Variants in TMEM40 observed in about 807,000 individuals in gnomAD.
TMEM40 encodes transmembrane protein 40.
TMEM40 carries 34 observed loss-of-function variants against 40.8 expected under a neutral mutation model. The ratio of observed to expected loss-of-function variants is 0.83; its 90% CI spans 0.63 to 1.11. The LOEUF is 1.11. Ranked by LOEUF, TMEM40 falls within the 50% of genes least tolerant of loss-of-function variation. The pLI, the probability that TMEM40 is intolerant of heterozygous loss-of-function variation, is 0.00. For missense variants in TMEM40, 296 were observed against 280.2 expected, an observed-to-expected ratio of 1.06 and a Z score of -0.40; for synonymous variants, 106 against 107.0, an observed-to-expected ratio of 0.99 and a Z score of 0.06.
rs532653339 is a variant in TMEM40 at position 12,742,595 on chromosome 3, G to A, written c.302-88C>T. The A allele has an allele frequency of 2.0e-6, 3 of 1,484,012 alleles. No homozygotes were observed. The East Asian group carries it at 6.9e-5, about 34-fold the overall frequency. 91.9% of individuals were successfully genotyped at this position (1,484,012 alleles called of 1,614,324 possible). A position where few individuals can be genotyped will look rare whatever the true frequency, so the allele number is the denominator to read the frequency against. ...CTCCCATGGCTTCGACGCTTAAGAA[G>A]TACCACAGTCCTTGTGCTGGAGGTG... On this transcript the variant is annotated intron_variant, in intron 4 of 11. Coordinates refer to ENST00000314124, the MANE Select transcript of TMEM40 (RefSeq NM_018306.4).
At chr3:12,748,512 T>C (rs530281127) in intron 3 of TMEM40, 143 bp downstream of exon 3, 4 of 1,208,442 alleles carry the variant, frequency 3.3e-6, no homozygotes, top group Middle Eastern at 3.0e-4. Context: ...TAGAAGCACA[T>C]GTAGACAGAT....
Position 12,733,893 on chromosome 3 carries a change from ATT to A in TMEM40, c.*879_*880del, listed in dbSNP as rs1160580651. The A allele has an allele frequency of 7.1e-6, 1 of 140,640 alleles. No individual in the cohort carries two copies. The highest frequency in any genetic ancestry group is 1.6e-5 in the Non-Finnish European group (1 of 63,688). 8.7% of individuals were successfully genotyped at this position (140,640 alleles called of 1,614,324 possible). A position where few individuals can be genotyped will look rare whatever the true frequency, so the allele number is the denominator to read the frequency against. ...TACACTACAAATACATGCAATTTTT[ATT>A]TGTCTTTTTTTTTTTTTTTTAATTT... On this transcript the variant is annotated 3_prime_UTR_variant, in exon 12 of 12. Coordinates refer to ENST00000314124, the MANE Select transcript of TMEM40 (RefSeq NM_018306.4).
chr3:12,750,806 A>G (rs959856994), intron 1 of TMEM40, among the ~76,000 whole-genome samples: 1 of 152,192 alleles, frequency 6.6e-6, no homozygotes, highest in African/African-American at 2.4e-5. Context: ...GGGACAGGGT[A>G]ACACATTGTG....
intron 5 of TMEM40, 24 bp downstream of exon 5, chr3:12,742,430 C>T (rs753530893): frequency 1.2e-6 from 2 of 1,611,452 alleles, no homozygotes; most frequent in East Asian, 2.2e-5. Context: ...TTGTTTTCTC[C>T]AAAGCTACTG....
At chr3:12,753,007 A>G (rs1339603752) in intron 1 of TMEM40, among the ~76,000 whole-genome samples, 1 of 152,046 alleles carries the variant, frequency 6.6e-6, no homozygotes, top group Non-Finnish European at 1.5e-5. Flanking sequence ...GACTTGGCTT[A>G]TATTTAGCTA....
intron 6 of TMEM40, 141 bp downstream of exon 6, chr3:12,738,412 G>A (rs568390771): frequency 1.9e-6 from 2 of 1,080,866 alleles, no homozygotes; most frequent in African/African-American, 1.5e-5. Context: ...TGCTTGATGA[G>A]CCTAGGCTAA....
chr3:12,737,604 G>T, intron 8 of TMEM40, 103 bp downstream of exon 8: 1 of 1,040,960 alleles, frequency 9.6e-7, no homozygotes. Flanking sequence ...GCACACGACA[G>T]AGGTGGGCTA....
upstream of TMEM40, among the ~76,000 whole-genome samples, chr3:12,762,808 G>A (rs1575748534): frequency 6.6e-6 from 1 of 152,166 alleles, no homozygotes; most frequent in Admixed American, 6.5e-5. Context: ...CTCCAGGAGT[G>A]GGACCTAGAA....
At chr3:12,752,200 T>C (rs1457319535) in intron 1 of TMEM40, among the ~76,000 whole-genome samples, 2 of 152,176 alleles carry the variant, frequency 1.3e-5, no homozygotes, top group Non-Finnish European at 2.9e-5. Flanking sequence ...GTGATCCTCC[T>C]GCCTCAACCT....
At chr3:12,754,156 CA>C (rs536471525) in intron 1 of TMEM40, among the ~76,000 whole-genome samples, 2 of 152,132 alleles carry the variant, frequency 1.3e-5, no homozygotes, top group East Asian at 3.9e-4. Flanking sequence ...ACTAAAAATA[CA>C]AAAAATTAGC....
intron 3 of TMEM40, 114 bp downstream of exon 3, chr3:12,748,541 T>G: frequency 7.1e-7 from 1 of 1,406,332 alleles, no homozygotes; most frequent in Non-Finnish European, 9.6e-7. Context: ...GAAGAGAATG[T>G]GGAGAAACGG....
chr3:12,761,605 CAAAAAA>C (rs34133777), upstream of TMEM40, among the ~76,000 whole-genome samples: 2 of 145,792 alleles, frequency 1.4e-5, no homozygotes, highest in Non-Finnish European at 1.5e-5. Context: ...GATCTCATCT[CAAAAAA>C]AAAAGAAAAA....
chr3:12,764,881 T>C (rs1473028256), intron 1 of TMEM40, among the ~76,000 whole-genome samples: 1 of 150,920 alleles, frequency 6.6e-6, no homozygotes, highest in Non-Finnish European at 1.5e-5. Context: ...TTGTTTTTTG[T>C]TTTTTTTTGA....
At chr3:12,762,497 C>T (rs373927139), upstream of TMEM40, among the ~76,000 whole-genome samples, 2 of 152,284 alleles carry the variant, frequency 1.3e-5, no homozygotes, top group African/African-American at 2.4e-5. Context: ...AATGAGACCA[C>T]TGTGGTCCAG....
intron 6 of TMEM40, 52 bp from the exon 7 acceptor site, chr3:12,738,220 C>T (rs2061352557): frequency 6.2e-7 from 1 of 1,605,950 alleles, no homozygotes; most frequent in African/African-American, 1.3e-5. Flanking sequence ...GGGTCCTTAA[C>T]AGGTGCCTCC....
At chr3:12,768,747 CG>C (rs933135795) in intron 1 of TMEM40, among the ~76,000 whole-genome samples, 4 of 152,100 alleles carry the variant, frequency 2.6e-5, no homozygotes, top group East Asian at 1.9e-4. Flanking sequence ...GATCCCGCAC[CG>C]GGGGCCGCAG....
At chr3:12,757,271 A>C (rs1371917100) in intron 1 of TMEM40, among the ~76,000 whole-genome samples, 1 of 151,954 alleles carries the variant, frequency 6.6e-6, no homozygotes, top group Non-Finnish European at 1.5e-5. Flanking sequence ...GGAGTTCGAG[A>C]CCAGGCTGGC....
intron 1 of TMEM40, among the ~76,000 whole-genome samples, chr3:12,756,080 T>A (rs1259639105): frequency 6.6e-6 from 1 of 152,210 alleles, no homozygotes; most frequent in African/African-American, 2.4e-5. Flanking sequence ...ATGAAACAAC[T>A]GTTTCCTGTG....
intron 10 of TMEM40, among the ~76,000 whole-genome samples, chr3:12,736,150 T>A (rs2061335658): frequency 3.6e-5 from 1 of 27,878 alleles, no homozygotes; most frequent in East Asian, 3.5e-4. Context: ...CATAAGGAAA[T>A]TTTTTTTTTT....
Sources: gnomAD v4.1 joint callset for allele counts (sites outside exome capture counted in the v4.1 genomes callset) on GRCh38, gnomAD v4.1.1 for gene constraint, MANE v1.5 for transcripts, NCBI Gene and HGNC (gene_info 2026-07-23, HGNC 2026-07-21) for gene names.